Variants in NFATC2 observed in about 807,000 individuals in gnomAD.
The protein encoded by NFATC2 is nuclear factor of activated T-cells, cytoplasmic 2.
NFATC2 carries 22 observed loss-of-function variants against 87.3 expected under a neutral mutation model. The ratio of observed to expected loss-of-function variants is 0.25; its 90% confidence interval spans 0.18 to 0.36. The LOEUF is 0.36. Ranked by LOEUF, NFATC2 falls within the 10% of genes least tolerant of loss-of-function variation. The probability of loss-of-function intolerance (pLI) is 1.00; values close to 1 mark genes in which losing one functional copy is unlikely to be tolerated. For synonymous variants in NFATC2, 565 were observed against 542.2 expected (o/e 1.04, Z -0.58); for missense variants, 1,149 against 1,259.1 (o/e 0.91, Z 1.32).
intron 6 of NFATC2, among the ~76,000 whole-genome samples, chr20:51,452,464 C>T (rs1985920460): frequency 6.6e-6 from 1 of 152,204 alleles, no homozygotes; most frequent in Admixed American, 6.5e-5. Flanking sequence ...TCATTGCTGA[C>T]AGCTCCCATG....
intron 3 of NFATC2, among the ~76,000 whole-genome samples, chr20:51,505,978 C>A (rs984285520): frequency 1.7e-4 from 26 of 152,198 alleles, no homozygotes; most frequent in African/African-American, 6.3e-4. Context: ...GAGCTCTCAT[C>A]GCAGGCAGGG....
chr20:51,403,322 T>G (rs1021347625), intron 9 of NFATC2, among the ~76,000 whole-genome samples: 4 of 152,212 alleles, frequency 2.6e-5, no homozygotes, highest in Non-Finnish European at 4.4e-5. Flanking sequence ...GAGATCCACA[T>G]GCGTGGCCCT....
At chr20:51,447,067 C>G (rs3787205) in intron 6 of NFATC2, among the ~76,000 whole-genome samples, 1 of 136,684 alleles carries the variant, frequency 7.3e-6, no homozygotes, top group African/African-American at 2.8e-5. Context: ...CACAAATTCA[C>G]GGAAAAATAC....
chr20:51,495,769 C>T (rs995843031), intron 3 of NFATC2, among the ~76,000 whole-genome samples: 3 of 152,154 alleles, frequency 2.0e-5, no homozygotes, highest in Admixed American at 1.3e-4. Flanking sequence ...AGAGAGCTCA[C>T]GTCCCATGCA....
At chr20:51,557,445 C>T (rs2146844832) in intron 1 of NFATC2, among the ~76,000 whole-genome samples, 1 of 152,232 alleles carries the variant, frequency 6.6e-6, no homozygotes, top group Non-Finnish European at 1.5e-5. Flanking sequence ...TGGCATGGTG[C>T]CTGACACACG....
At chr20:51,534,192 G>T (rs1273266747) in intron 1 of NFATC2, among the ~76,000 whole-genome samples, 1 of 140,918 alleles carries the variant, frequency 7.1e-6, no homozygotes, top group Non-Finnish European at 1.5e-5. Context: ...AAATTCCCAA[G>T]ACCACAAAAA....
rs993794771 is a variant in NFATC2 at position 51,399,384 on chromosome 20, G to A, written c.2723-654C>T. On this transcript the variant is annotated intron_variant, in intron 9 of 10. Transcript: ENST00000371564. ...AACACCTGTCTTCCCAATCCCCTTT[G>A]GCCGAATTGGAATACCCAAGTCCAT... Among the ~76,000 whole-genome samples the A allele has an allele frequency of 4.6e-5, 7 of 152,134 alleles. 1 individual carries two copies. The highest frequency in any genetic ancestry group is 8.8e-5 in the Non-Finnish European group (6 of 68,028).
At position 51,457,979 on chromosome 20, in the gene NFATC2, G is replaced by A. The variant is rs140139423; in HGVS notation, c.1709-3291C>T. On this transcript the variant is annotated intron_variant, in intron 5 of 10. Transcript: ENST00000371564. ...CGGCTCACTGCAGCCTCTGCCTCCT[G>A]GGCTCAAGTGATCCTCCCACCTCAG... 8.1e-3 allele frequency among the ~76,000 whole-genome samples: 1,223 copies of A among 151,514 alleles called. 21 individuals carry two copies. The highest frequency in any genetic ancestry group is 0.028 in the African/African-American group (1,172 of 41,238).
rs754235802 is a variant in NFATC2 at position 51,523,507 on chromosome 20, G to A, written c.734C>T (p.Ser245Phe). ...CCTCCGCTTGGCACCAGGCGATGAG[G>A]AGCGGGAGGCCGGACGGGGCACGGG... ...HSPVPRPASR[S>F]SSPGAKRRHS... The change falls in exon 2 of 11, where the codon TCC (serine) becomes TTC (phenylalanine). Residue 245 changes from serine (S) to phenylalanine (F), a missense_variant. By Grantham distance (155) the Ser-to-Phe change is radical. This residue lies in a region of NFATC2 where 563 missense variants were observed against 585.2 expected (regional missense o/e 0.96). Coordinates refer to ENST00000371564, the MANE Select transcript of NFATC2 (RefSeq NM_012340.5). The surrounding 1 kb of genome is among the most constrained non-coding windows in gnomAD (Gnocchi z 6.9). 1.2e-6 allele frequency: 2 copies of A among 1,613,148 alleles called. No homozygotes were observed. The highest frequency in any genetic ancestry group is 2.2e-5 in the South Asian group (2 of 91,038).
At chr20:51,420,342 G>A (rs903667961) in intron 9 of NFATC2, among the ~76,000 whole-genome samples, 2 of 152,180 alleles carry the variant, frequency 1.3e-5, no homozygotes, top group Admixed American at 6.5e-5. Context: ...TCAGAAGGAT[G>A]TGTCATCACC....
At chr20:51,508,553 G>A (rs922835785) in intron 3 of NFATC2, among the ~76,000 whole-genome samples, 11 of 151,884 alleles carry the variant, frequency 7.2e-5, no homozygotes, top group African/African-American at 1.9e-4. Flanking sequence ...CTCAAAAGTC[G>A]GCCTCAGAAC....
Position 51,461,472 on chromosome 20 carries a change from C to A in NFATC2, c.1709-6784G>T, listed in dbSNP as rs557213262. Among the ~76,000 whole-genome samples, 332 of 152,372 alleles carry A rather than the reference C, an allele frequency of 2.2e-3. 1 individual carries two copies. The highest frequency in any genetic ancestry group is 4.2e-3 in the Non-Finnish European group (284 of 68,038). ...CAAAGTGACTTCCCCAGGCTTCCCT[C>A]CTGCCCCTGGATTCTGGCACGTCAT... On this transcript the variant is annotated intron_variant, in intron 5 of 10. Transcript: ENST00000371564.
chr20:51,398,934 G>A (rs1252123162), intron 9 of NFATC2: 3 of 562,730 alleles, frequency 5.3e-6, no homozygotes, highest in Non-Finnish European at 9.5e-6. Flanking sequence ...GGAGATGAGG[G>A]ACTCTGTGCA....
chr20:51,458,462 G>A (rs1369546380), intron 5 of NFATC2, among the ~76,000 whole-genome samples: 1 of 151,684 alleles, frequency 6.6e-6, no homozygotes, highest in East Asian at 1.9e-4. Context: ...GACTTAAATG[G>A]TCTGAGGGTC....
In NFATC2 at chr20:51,439,959, G is replaced by A. The variant is rs3787206; in HGVS notation, c.1850-4198C>T. 0.012 allele frequency among the ~76,000 whole-genome samples: 1,753 copies of A among 152,304 alleles called. 62 individuals carry two copies. The East Asian group carries it at 0.13, about 11-fold the overall frequency. Reference sequence around the variant, plus strand: ...GGGTATTATATAAATGTTCAGGGCCGGGCAAAGTGGCTCACGCCTGTGATC... The same window carrying A: ...GGGTATTATATAAATGTTCAGGGCCAGGCAAAGTGGCTCACGCCTGTGATC... On this transcript the variant is annotated intron_variant, in intron 6 of 10. Transcript: ENST00000371564.
At chr20:51,467,385 C>T (rs1439439514) in intron 5 of NFATC2, among the ~76,000 whole-genome samples, 1 of 151,686 alleles carries the variant, frequency 6.6e-6, no homozygotes, top group Non-Finnish European at 1.5e-5. Context: ...GGTGAAACCC[C>T]GTCTCTACTA....
chr20:51,534,761 G>GC (rs1262503343), intron 1 of NFATC2, among the ~76,000 whole-genome samples: 5 of 151,990 alleles, frequency 3.3e-5, no homozygotes, highest in Non-Finnish European at 7.4e-5. Flanking sequence ...GTTCTCTGTG[G>GC]CCCCCCTGAA....
At chr20:51,540,259 C>T (rs1274860953) in intron 1 of NFATC2, among the ~76,000 whole-genome samples, 2 of 152,142 alleles carry the variant, frequency 1.3e-5, no homozygotes, top group Admixed American at 6.5e-5. Flanking sequence ...GTGATCCGCC[C>T]GCCTCAGCCT....
intron 6 of NFATC2, among the ~76,000 whole-genome samples, chr20:51,446,400 C>A (rs1283158073): frequency 1.3e-5 from 2 of 152,000 alleles, no homozygotes; most frequent in Non-Finnish European, 2.9e-5. Flanking sequence ...CACCACCAAC[C>A]CCATCTCAGA....
Sources: gnomAD v4.1 joint callset for allele counts (sites outside exome capture counted in the v4.1 genomes callset) on GRCh38, gnomAD v4.1.1 for gene constraint, gnomAD v4.1.1 regional missense constraint, Gnocchi (gnomAD v3.1) non-coding constraint, MANE v1.5 for transcripts, NCBI Gene and HGNC (gene_info 2026-07-23, HGNC 2026-07-21) for gene names.